Variants in PPP6C observed in about 807,000 individuals in gnomAD.
The protein encoded by PPP6C is protein phosphatase 6 catalytic subunit, also known as serine/threonine-protein phosphatase 6 catalytic subunit.
A neutral mutation model predicts 39.8 loss-of-function variants in PPP6C; 11 were observed. That is an observed-to-expected ratio of 0.28 (90% CI 0.17 to 0.46). The LOEUF (loss-of-function observed/expected upper bound fraction) is 0.46, where lower values mean the gene tolerates loss of function less well. PPP6C is among the 20% of genes least tolerant of loss of function. The pLI, the probability that PPP6C is intolerant of heterozygous loss-of-function variation, is 1.00. For synonymous variants in PPP6C, 129 were observed against 130.3 expected (o/e 0.99, Z 0.07); for missense variants, 211 against 373.9 (o/e 0.56, Z 3.59).
chr9:125,183,692 C>T (rs10986618), intron 1 of PPP6C, among the ~76,000 whole-genome samples: 2,300 of 152,260 alleles, frequency 0.015, 109 homozygotes, highest in Admixed American at 0.082. Context: ...TACTATTGCA[C>T]ATGGTGTTTA....
At chr9:125,182,922 A>G (rs1394150684) in intron 1 of PPP6C, among the ~76,000 whole-genome samples, 1 of 151,942 alleles carries the variant, frequency 6.6e-6, no homozygotes, top group Non-Finnish European at 1.5e-5. Context: ...TTTAGAGCAC[A>G]TTTGGCAATC....
intron 1 of PPP6C, among the ~76,000 whole-genome samples, chr9:125,178,240 G>C (rs531985458): frequency 2.0e-5 from 3 of 152,312 alleles, no homozygotes; most frequent in South Asian, 2.1e-4. Flanking sequence ...GTCTTCCAAA[G>C]TGGCTGTACC....
At chr9:125,168,978 C>T (rs1167154635) in intron 2 of PPP6C, among the ~76,000 whole-genome samples, 1 of 152,050 alleles carries the variant, frequency 6.6e-6, no homozygotes, top group African/African-American at 2.4e-5. Flanking sequence ...CTAGGCTGGT[C>T]TTGAACTCCT....
intron 4 of PPP6C, among the ~76,000 whole-genome samples, chr9:125,156,820 T>C (rs1836089174): frequency 6.6e-6 from 1 of 151,804 alleles, no homozygotes; most frequent in South Asian, 2.1e-4. Context: ...GTTTGCTTTT[T>C]TTCCTTTCTT....
In PPP6C at chr9:125,159,842, T is replaced by C. The variant is rs192505299; in HGVS notation, c.237+999A>G. Among the ~76,000 whole-genome samples, 1,137 of 152,194 alleles carry C rather than the reference T, an allele frequency of 7.5e-3. 11 individuals carry two copies. The highest frequency in any genetic ancestry group is 0.013 in the Non-Finnish European group (901 of 68,002). On this transcript the variant is annotated intron_variant, in intron 3 of 6. Coordinates refer to ENST00000373547, the MANE Select transcript of PPP6C (RefSeq NM_002721.5). Reference sequence around the variant, plus strand: ...ATCCAGACCATCCTGGCCAACATAGTGAAATCCTGTCTCTACTAAAAATAC... The same window carrying C: ...ATCCAGACCATCCTGGCCAACATAGCGAAATCCTGTCTCTACTAAAAATAC...
chr9:125,169,823 G>A (rs896776071), intron 2 of PPP6C, among the ~76,000 whole-genome samples: 4 of 152,118 alleles, frequency 2.6e-5, no homozygotes, highest in African/African-American at 9.7e-5. Context: ...CCTCCATCTA[G>A]GAGGTGATGA....
chr9:125,155,336 G>C (rs1357290638), intron 4 of PPP6C, among the ~76,000 whole-genome samples: 2 of 151,462 alleles, frequency 1.3e-5, no homozygotes, highest in Non-Finnish European at 2.9e-5. Flanking sequence ...AGCTGAAAAT[G>C]ATATAGGAAA....
chr9:125,178,299 C>A (rs1367817172), intron 1 of PPP6C, among the ~76,000 whole-genome samples: 1 of 152,202 alleles, frequency 6.6e-6, no homozygotes, highest in Non-Finnish European at 1.5e-5. Flanking sequence ...TGCTCCACAT[C>A]TTCATCAGCA....
At chr9:125,187,100 C>G (rs993701184) in intron 1 of PPP6C, among the ~76,000 whole-genome samples, 1 of 150,892 alleles carries the variant, frequency 6.6e-6, no homozygotes, top group African/African-American at 2.5e-5. Flanking sequence ...GCACCTGCCA[C>G]CACCTCCAGT....
intron 4 of PPP6C, among the ~76,000 whole-genome samples, chr9:125,156,473 C>T (rs1836078906): frequency 2.0e-5 from 3 of 152,124 alleles, no homozygotes; most frequent in Non-Finnish European, 4.4e-5. Flanking sequence ...GGGGTTTCAC[C>T]ATGTTGGCCA....
chr9:125,164,864 G>A (rs1323366921), intron 2 of PPP6C, among the ~76,000 whole-genome samples: 2 of 152,008 alleles, frequency 1.3e-5, no homozygotes, highest in Admixed American at 6.6e-5. Context: ...TCAGCCTCCC[G>A]AGTAGCTGGG....
intron 2 of PPP6C, among the ~76,000 whole-genome samples, chr9:125,163,165 T>C (rs1179748436): frequency 6.6e-6 from 1 of 151,782 alleles, no homozygotes; most frequent in Non-Finnish European, 1.5e-5. Context: ...TAAATTAAGA[T>C]CTAGCAACTC....
At chr9:125,158,511 T>C (rs899378593) in intron 3 of PPP6C, 129 bp from the exon 4 acceptor site, 33 of 969,732 alleles carry the variant, frequency 3.4e-5, no homozygotes, top group Non-Finnish European at 4.6e-5. Flanking sequence ...ATTTGGAAAT[T>C]TGATTTTAAC....
intron 2 of PPP6C, among the ~76,000 whole-genome samples, chr9:125,162,677 G>A (rs1477268851): frequency 6.6e-6 from 1 of 150,878 alleles, no homozygotes; most frequent in Non-Finnish European, 1.5e-5. Context: ...TCGGGAGGCT[G>A]AGGCAGGAGA....
At chr9:125,173,404 CAAAAAAAAAAAAAA>C (rs1157793278) in intron 1 of PPP6C, among the ~76,000 whole-genome samples, 4 of 50,770 alleles carry the variant, frequency 7.9e-5, no homozygotes, top group African/African-American at 2.6e-4. Context: ...GACTCCCTCT[CAAAAAAAAAAAAAA>C]AAAAAAAAAA....
At chr9:125,153,790 T>C in intron 5 of PPP6C, 48 bp from the exon 6 acceptor site, 2 of 1,564,524 alleles carry the variant, frequency 1.3e-6, no homozygotes, top group Non-Finnish European at 1.8e-6. Context: ...CTCAGGCATA[T>C]CTAAACTCAT....
intron 1 of PPP6C, among the ~76,000 whole-genome samples, chr9:125,177,298 C>T (rs1428893376): frequency 4.6e-5 from 7 of 152,080 alleles, no homozygotes; most frequent in African/African-American, 1.7e-4. Context: ...GGCGTGAACC[C>T]GGGAGGCCGA....
intron 3 of PPP6C, 46 bp downstream of exon 3, chr9:125,160,795 C>G: frequency 7.6e-7 from 1 of 1,318,558 alleles, no homozygotes. Flanking sequence ...TAAGTCAGAT[C>G]CTTTCCATTT....
In PPP6C at chr9:125,189,754, G is replaced by A. The variant is rs768323079; in HGVS notation, c.-36C>T. The A allele has an allele frequency of 2.6e-6, 4 of 1,554,130 alleles. No individual in the cohort carries two copies. Among genetic ancestry groups the A allele is most frequent in the Middle Eastern group, 1.8e-4 (1 of 5,658 alleles). The stretch of plus-strand genomic sequence containing the variant: ...ACAAGCCGCGGCAACAGCGGCGGCG[G>A]CGGCTGTAGCAGCGGCGGCGGCAGC... On this transcript the variant is annotated 5_prime_UTR_variant, in exon 1 of 7. Coordinates refer to ENST00000373547, the MANE Select transcript of PPP6C (RefSeq NM_002721.5).
Sources: gnomAD v4.1 joint callset for allele counts (sites outside exome capture counted in the v4.1 genomes callset) on GRCh38, gnomAD v4.1.1 for gene constraint, MANE v1.5 for transcripts, NCBI Gene and HGNC (gene_info 2026-07-23, HGNC 2026-07-21) for gene names.